ATP7B: variants seen among roughly 807,000 people sequenced by gnomAD.
ATP7B encodes the protein ATPase copper transporting beta.
ATP7B carries 113 observed loss-of-function variants against 118.9 expected under a neutral mutation model. The observed-to-expected ratio is 0.95, with a 90% CI of 0.82 to 1.11. The LOEUF (loss-of-function observed/expected upper bound fraction) is 1.11, where lower values mean the gene tolerates loss of function less well. Ranked by LOEUF, ATP7B falls within the 50% of genes most tolerant of loss-of-function variation. The pLI is 0.00. For synonymous variants in ATP7B, 777 were observed against 727.4 expected (o/e 1.07, Z -1.10); for missense variants, 1,867 against 1,871.4 (o/e 1.00, Z 0.04).
At chr13:51,951,541 G>A (rs1958007536) in intron 9 of ATP7B, among the ~76,000 whole-genome samples, 1 of 152,172 alleles carries the variant, frequency 6.6e-6, no homozygotes, top group South Asian at 2.1e-4. Flanking sequence ...CATGTAGATA[G>A]CATTTAAAGC....
intron 5 of ATP7B, chr13:51,964,660 T>C: frequency 1.8e-6 from 1 of 568,644 alleles, no homozygotes; most frequent in Non-Finnish European, 3.1e-6. Flanking sequence ...TCCTCATCTT[T>C]CTCTTACCCA....
At position 51,934,361 on chromosome 13, in the gene ATP7B, G is replaced by C. The variant is rs1468283737; in HGVS notation, c.*395C>G. The C allele has an allele frequency of 3.1e-6, 1 of 325,860 alleles. No individual in the cohort carries two copies. Among genetic ancestry groups the C allele is most frequent in the African/African-American group, 2.1e-5 (1 of 46,892 alleles). The allele number at this position is 325,860 out of a possible 1,614,324, so 20.2% of individuals were successfully genotyped here. A position where few individuals can be genotyped will look rare whatever the true frequency, so the allele number is the denominator to read the frequency against. ...TCATCAGAAAGACCCTGACAGTGAG[G>C]TCTGCAGTTCTCTGGAAAGGCCCAG... On this transcript the variant is annotated 3_prime_UTR_variant, in exon 21 of 21. Coordinates refer to ENST00000242839, the MANE Select transcript of ATP7B (RefSeq NM_000053.4).
At chr13:51,952,602 C>T (rs1274454994) in intron 9 of ATP7B, among the ~76,000 whole-genome samples, 3 of 152,306 alleles carry the variant, frequency 2.0e-5, no homozygotes, top group East Asian at 3.9e-4. Context: ...CTTAGAAAGG[C>T]ACAAAATTGA....
intron 1 of ATP7B, among the ~76,000 whole-genome samples, chr13:51,991,662 T>G (rs949354493): frequency 6.6e-6 from 1 of 152,016 alleles, no homozygotes; most frequent in African/African-American, 2.4e-5. Context: ...CCAAGACAAG[T>G]AGAGGAGAGA....
rs534818415 is a variant in ATP7B, at chr13:52,002,194, T to C, written c.51+9093A>G. On this transcript the variant is annotated intron_variant, in intron 1 of 20. Transcript: ENST00000242839. Reference sequence around the variant, plus strand: ...TCTCAATAAGCATTTGTTAAATGAATGACAAAGAATGCCAAGCAAAAACAA... The same window carrying C: ...TCTCAATAAGCATTTGTTAAATGAACGACAAAGAATGCCAAGCAAAAACAA... 5.3e-5 allele frequency among the ~76,000 whole-genome samples: 8 copies of C among 152,180 alleles called. No homozygotes were observed. The East Asian group carries it at 7.8e-4, about 15-fold the overall frequency.
rs1958327709 is a variant in ATP7B, at chr13:51,956,057, C to A, written c.2447+1459G>T. Among the ~76,000 whole-genome samples the A allele has an allele frequency of 2.0e-5, 3 of 152,350 alleles. No homozygotes were observed. The South Asian group carries it at 6.2e-4, about 32-fold the overall frequency. On this transcript the variant is annotated intron_variant, in intron 9 of 20. Coordinates refer to ENST00000242839, the MANE Select transcript of ATP7B (RefSeq NM_000053.4). Reference sequence around the variant, plus strand: ...CTCACGGAACAGCTACAGAGTGGAACTAGACGATCTGTGGCAAGTGCTGGG... The same window carrying A: ...CTCACGGAACAGCTACAGAGTGGAAATAGACGATCTGTGGCAAGTGCTGGG...
chr13:52,005,902 G>A lies in ATP7B; in HGVS notation c.51+5385C>T, dbSNP rs186727018. On this transcript the variant is annotated intron_variant, in intron 1 of 20. Transcript: ENST00000242839. Reference sequence around the variant, plus strand: ...CAAAATCTCTGCAGCACTGTGAAATGTTCATGATGGCCGTAACGCCCACGC... The same window carrying A: ...CAAAATCTCTGCAGCACTGTGAAATATTCATGATGGCCGTAACGCCCACGC... Among the ~76,000 whole-genome samples the A allele has an allele frequency of 1.4e-4, 22 of 152,334 alleles. No homozygotes were observed. In the East Asian group the frequency reaches 3.3e-3, roughly 23 times the overall value.
rs774120232 is a variant in ATP7B, at chr13:51,964,845, A to C, written c.1869+27T>G. 1.2e-5 allele frequency: 19 copies of C among 1,608,194 alleles called. No homozygotes were observed. In the African/African-American group the frequency reaches 2.5e-4, roughly 22 times the overall value. The stretch of plus-strand genomic sequence containing the variant: ...ATATATTACTGTTTTTAAAAAGGTG[A>C]CTACAATTTTTTAATGAATTACTTA... On this transcript the variant is annotated intron_variant, in intron 5 of 20. Coordinates refer to ENST00000242839, the MANE Select transcript of ATP7B (RefSeq NM_000053.4).
At position 51,941,198 on chromosome 13, in the gene ATP7B, G is replaced by A; in HGVS notation, c.3439C>T (p.Leu1147=). ...KDAVPQTFSV[L]IGNREWLRRN... ...CTCAGCCACTCACGGTTTCCAATCAGCACAGAGAAGGTCTGGGGGACTGCA... is the reference window on the plus strand; with the variant it reads ...CTCAGCCACTCACGGTTTCCAATCAACACAGAGAAGGTCTGGGGGACTGCA... Residue 1147 remains leucine, a synonymous_variant, in exon 16 of 21, where the codon CTG becomes TTG. Coordinates refer to ENST00000242839, the MANE Select transcript of ATP7B (RefSeq NM_000053.4). 2 of 1,614,154 alleles carry A rather than the reference G, an allele frequency of 1.2e-6. No homozygotes were observed. Among genetic ancestry groups the A allele is most frequent in the Non-Finnish European group, 8.5e-7 (1 of 1,180,026 alleles).
chr13:51,953,333 G>T (rs1282396238), intron 9 of ATP7B, among the ~76,000 whole-genome samples: 1 of 152,058 alleles, frequency 6.6e-6, no homozygotes, highest in Non-Finnish European at 1.5e-5. Flanking sequence ...AGAAATGAAA[G>T]ACCCCAAGAA....
At chr13:51,981,736 C>T (rs1293405465) in intron 1 of ATP7B, among the ~76,000 whole-genome samples, 1 of 152,120 alleles carries the variant, frequency 6.6e-6, no homozygotes, top group Non-Finnish European at 1.5e-5. Context: ...ACGTAAATAT[C>T]AGTAGAGAAA....
chr13:51,958,275 G>A, intron 8 of ATP7B, 36 bp downstream of exon 8: 1 of 1,596,850 alleles, frequency 6.3e-7, no homozygotes, highest in Non-Finnish European at 8.6e-7. Flanking sequence ...GTTTACTGAA[G>A]GAGCAGCTCT....
At chr13:51,989,655 G>A (rs1952820026) in intron 1 of ATP7B, among the ~76,000 whole-genome samples, 1 of 152,126 alleles carries the variant, frequency 6.6e-6, no homozygotes, top group Non-Finnish European at 1.5e-5. Flanking sequence ...CTATAAGACA[G>A]GGTATCGTCT....
chr13:51,944,836 G>T (rs550471381), intron 13 of ATP7B, among the ~76,000 whole-genome samples: 1 of 152,302 alleles, frequency 6.6e-6, no homozygotes, highest in Non-Finnish European at 1.5e-5. Context: ...ATGGCAGTCT[G>T]CAGAGTCCCC....
chr13:52,011,171 G>A, intron 1 of ATP7B, 116 bp downstream of exon 1: 1 of 1,463,622 alleles, frequency 6.8e-7, no homozygotes, highest in Non-Finnish European at 9.6e-7. Flanking sequence ...TGGAGCTGGG[G>A]TCTGGCTCGG....
In ATP7B at chr13:51,935,040, G is replaced by A. The variant is rs1425243623; in HGVS notation, c.4125-11C>T. 2 of 1,613,628 alleles carry A rather than the reference G, an allele frequency of 1.2e-6. No homozygotes were observed. The highest frequency in any genetic ancestry group is 1.7e-5 in the Admixed American group (1 of 59,988). On this transcript the variant is annotated splice_polypyrimidine_tract_variant and intron_variant, in intron 20 of 20. Coordinates refer to ENST00000242839, the MANE Select transcript of ATP7B (RefSeq NM_000053.4). ...TCAGGCTTCTTATAGCTGGAAAGCA[G>A]GAACGCAACAGCATCTGAGCCATTC... is the stretch of plus-strand genomic sequence containing the variant.
chr13:51,944,371 A>T, intron 13 of ATP7B, 80 bp from the exon 14 acceptor site: 10 of 1,554,450 alleles, frequency 6.4e-6, no homozygotes, highest in Non-Finnish European at 7.9e-6. Flanking sequence ...GCAGAACTTC[A>T]CCCAACCTGC....
At chr13:51,972,843 A>G (rs535023402) in intron 2 of ATP7B, among the ~76,000 whole-genome samples, 7 of 152,186 alleles carry the variant, frequency 4.6e-5, no homozygotes, top group East Asian at 1.9e-4. Flanking sequence ...CTACAAAAAA[A>G]TAAAAATAAA....
rs1297798449 is a variant in ATP7B at position 51,946,376 on chromosome 13, C to A, written c.2968G>T (p.Ala990Ser). 12 of 1,613,662 alleles carry A rather than the reference C, an allele frequency of 7.4e-6. No individual in the cohort carries two copies. Among genetic ancestry groups the A allele is most frequent in the Non-Finnish European group, 9.3e-6 (11 of 1,179,980 alleles). Residue 990 changes from alanine (A) to serine (S), a missense_variant, in exon 13 of 21, where the codon GCC becomes TCC. Ala to Ser is a moderately conservative substitution (Grantham distance 99). Transcript: ENST00000242839. ...CCCACCATGACAGCCGTGGGCGTGGCCAGCCCCAGGGAGCAGGGGCAGGCA... is the reference window on the plus strand; with the variant it reads ...CCCACCATGACAGCCGTGGGCGTGGACAGCCCCAGGGAGCAGGGGCAGGCA... ...CIACPCSLGL[A>S]TPTAVMVGTG...
Sources: gnomAD v4.1 joint callset for allele counts (sites outside exome capture counted in the v4.1 genomes callset) on GRCh38, gnomAD v4.1.1 for gene constraint, MANE v1.5 for transcripts, NCBI Gene and HGNC (gene_info 2026-07-23, HGNC 2026-07-21) for gene names.